The following IKZF1 variants were observed in gnomAD, a reference collection of about 807,000 sequenced individuals.
IKZF1 encodes DNA-binding protein Ikaros.
Under a neutral mutation model 51.7 loss-of-function variants are expected in IKZF1, and 10 were observed. The ratio of observed to expected loss-of-function variants is 0.19; its 90% confidence interval spans 0.12 to 0.33. The LOEUF (loss-of-function observed/expected upper bound fraction) is 0.33. IKZF1 is among the 10% of genes least tolerant of loss of function. The pLI is 1.00. For missense variants in IKZF1, 484 were observed against 707.5 expected, an observed-to-expected ratio of 0.68 and a Z score of 3.58; for synonymous variants, 280 against 282.3, an observed-to-expected ratio of 0.99 and a Z score of 0.08.
rs1818783913 is a variant in IKZF1, at chr7:50,405,046, G to T, written c.*4419G>T. 5.1e-6 allele frequency: 1 copy of T among 196,598 alleles called. No individual in the cohort carries two copies. Among genetic ancestry groups the T allele is most frequent in the African/African-American group, 2.3e-5 (1 of 43,274 alleles). 12.2% of individuals were successfully genotyped at this position (196,598 alleles called of 1,614,324 possible). Reference sequence around the variant, plus strand: ...TTCTGATCCCATTTCTGATGGATGTGTCACACCTTTTCTGTCAAAATAAAA... The same window carrying T: ...TTCTGATCCCATTTCTGATGGATGTTTCACACCTTTTCTGTCAAAATAAAA... On this transcript the variant is annotated 3_prime_UTR_variant, in exon 8 of 8. Coordinates refer to ENST00000331340, the MANE Select transcript of IKZF1 (RefSeq NM_006060.6).
chr7:50,330,162 T>C (rs995512040), intron 3 of IKZF1, among the ~76,000 whole-genome samples: 2 of 152,224 alleles, frequency 1.3e-5, no homozygotes, highest in Non-Finnish European at 2.9e-5. Context: ...TCATAGCCCA[T>C]GGGTCCTGGC....
At chr7:50,371,440 T>C (rs775068161) in intron 3 of IKZF1, among the ~76,000 whole-genome samples, 1 of 152,208 alleles carries the variant, frequency 6.6e-6, no homozygotes, top group Non-Finnish European at 1.5e-5. Flanking sequence ...TCTTTTCTTC[T>C]AGGTAAAGGA....
At chr7:50,316,250 A>C (rs558012535) in intron 1 of IKZF1, among the ~76,000 whole-genome samples, 1 of 152,252 alleles carries the variant, frequency 6.6e-6, no homozygotes, top group East Asian at 1.9e-4. Context: ...AAATTATTAA[A>C]AATTTTGGTG....
chr7:50,385,993 G>C (rs1213655949), intron 5 of IKZF1, among the ~76,000 whole-genome samples: 1 of 152,080 alleles, frequency 6.6e-6, no homozygotes, highest in Admixed American at 6.5e-5. Context: ...CATAAGCTTT[G>C]GCTAAACCAT....
At chr7:50,370,861 T>A (rs565679804) in intron 3 of IKZF1, among the ~76,000 whole-genome samples, 1 of 152,228 alleles carries the variant, frequency 6.6e-6, no homozygotes, top group Non-Finnish European at 1.5e-5. Context: ...ACAAAATATT[T>A]ATAACTATCT....
At chr7:50,304,481 T>A (rs11765436), upstream of IKZF1, 53,802 of 149,260 alleles carry the variant, frequency 0.36, 10,004 homozygotes, top group East Asian at 0.59. Flanking sequence ...GGGCGGCAGC[T>A]GGTGGCAACG....
intron 3 of IKZF1, chr7:50,369,670 C>T: frequency 2.5e-6 from 1 of 397,990 alleles, no homozygotes; most frequent in Non-Finnish European, 4.4e-6. Context: ...CACCTCTTTT[C>T]TTCTTGAAAA....
Position 50,362,954 on chromosome 7 carries a change from G to A in IKZF1, c.161-13579G>A, listed in dbSNP as rs180846835. On this transcript the variant is annotated intron_variant, in intron 3 of 7. Transcript: ENST00000331340. Reference sequence around the variant, plus strand: ...GGGCTGCCTTGGCTGGGCAAAGGCAGGGGCTTCATGGCCATGCTGGGATGT... The same window carrying A: ...GGGCTGCCTTGGCTGGGCAAAGGCAAGGGCTTCATGGCCATGCTGGGATGT... Among the ~76,000 whole-genome samples the A allele has an allele frequency of 1.7e-3, 256 of 152,312 alleles. 6 individuals carry two copies. The highest frequency in any genetic ancestry group is 0.016 in the Admixed American group (241 of 15,300).
intron 4 of IKZF1, among the ~76,000 whole-genome samples, chr7:50,380,968 T>C (rs1336261705): frequency 1.3e-5 from 2 of 152,208 alleles, no homozygotes; most frequent in Non-Finnish European, 2.9e-5. Context: ...AAACTCCTTC[T>C]CTCTGCTTAG....
chr7:50,382,790 C>T, intron 5 of IKZF1, 83 bp downstream of exon 5: 6 of 1,475,174 alleles, frequency 4.1e-6, no homozygotes, highest in Non-Finnish European at 5.4e-6. Flanking sequence ...GGATTGTGTC[C>T]TTGCTGGCTA....
chr7:50,386,429 A>C (rs948850326), intron 5 of IKZF1, among the ~76,000 whole-genome samples: 1 of 152,252 alleles, frequency 6.6e-6, no homozygotes, highest in African/African-American at 2.4e-5. Flanking sequence ...GGTGGCTGCC[A>C]TATTGGACAG....
rs1361608549 is a variant in IKZF1 at position 50,403,102 on chromosome 7, C to T, written c.*2475C>T. Reference sequence around the variant, plus strand: ...GAATTCTTTTCTAAACTGCTTTGCCCTTTCCTCTCACTGCCTTTTATAGCC... The same window carrying T: ...GAATTCTTTTCTAAACTGCTTTGCCTTTTCCTCTCACTGCCTTTTATAGCC... On this transcript the variant is annotated 3_prime_UTR_variant, in exon 8 of 8. Coordinates refer to ENST00000331340, the MANE Select transcript of IKZF1 (RefSeq NM_006060.6). The T allele has an allele frequency of 4.5e-6, 1 of 223,002 alleles. No individual in the cohort carries two copies. Among genetic ancestry groups the T allele is most frequent in the Non-Finnish European group, 9.0e-6 (1 of 111,664 alleles). The allele number at this position is 223,002 out of a possible 1,614,324, so 13.8% of individuals were successfully genotyped here.
chr7:50,370,600 T>C (rs1201386611), intron 3 of IKZF1, among the ~76,000 whole-genome samples: 1 of 152,196 alleles, frequency 6.6e-6, no homozygotes, highest in Non-Finnish European at 1.5e-5. Context: ...AAATAGCATC[T>C]GGGAAGGAAA....
At chr7:50,329,926 G>A (rs151009992) in intron 3 of IKZF1, among the ~76,000 whole-genome samples, 2,390 of 152,320 alleles carry the variant, frequency 0.016, 57 homozygotes, top group African/African-American at 0.053. Flanking sequence ...TGAAAGTCAG[G>A]CCGATTCCTG....
chr7:50,307,459 G>A (rs899195745), intron 1 of IKZF1, among the ~76,000 whole-genome samples: 1 of 152,164 alleles, frequency 6.6e-6, no homozygotes, highest in African/African-American at 2.4e-5. Flanking sequence ...CAAGCACTCT[G>A]GGGGCACTGT....
intron 3 of IKZF1, among the ~76,000 whole-genome samples, chr7:50,375,717 C>T (rs917991734): frequency 3.1e-5 from 4 of 130,012 alleles, no homozygotes; most frequent in East Asian, 5.4e-4. Flanking sequence ...CCCCCCCCCC[C>T]ACCCACCACC....
intron 6 of IKZF1, among the ~76,000 whole-genome samples, chr7:50,390,520 A>G (rs1814762532): frequency 6.6e-6 from 1 of 152,364 alleles, no homozygotes; most frequent in Middle Eastern, 3.4e-3. Flanking sequence ...CATAATAGCA[A>G]TGAAGACATA....
At chr7:50,377,924 A>C (rs1280083849) in intron 4 of IKZF1, among the ~76,000 whole-genome samples, 2 of 152,206 alleles carry the variant, frequency 1.3e-5, no homozygotes, top group Non-Finnish European at 2.9e-5. Flanking sequence ...ACCCAAGAGG[A>C]AAAAAATAGT....
chr7:50,372,926 C>A (rs1809137709), intron 3 of IKZF1, among the ~76,000 whole-genome samples: 1 of 152,220 alleles, frequency 6.6e-6, no homozygotes, highest in South Asian at 2.1e-4. Flanking sequence ...ATGTCTCAGT[C>A]AGTGAAAGAG....
Sources: gnomAD v4.1 joint callset for allele counts (sites outside exome capture counted in the v4.1 genomes callset) on GRCh38, gnomAD v4.1.1 for gene constraint, MANE v1.5 for transcripts, NCBI Gene and HGNC (gene_info 2026-07-23, HGNC 2026-07-21) for gene names.